GLT1D1: variants seen among roughly 807,000 people sequenced by gnomAD.
The protein encoded by GLT1D1 is glycosyltransferase 1 domain containing 1.
A neutral mutation model predicts 28.7 loss-of-function variants in GLT1D1; 21 were observed. That is an observed-to-expected ratio of 0.73 (90% CI 0.52 to 1.05). The LOEUF (loss-of-function observed/expected upper bound fraction) is 1.05, where lower values mean the gene tolerates loss of function less well. Ranked by LOEUF, GLT1D1 falls within the 50% of genes least tolerant of loss-of-function variation. GLT1D1 has a pLI of 0.00. For synonymous variants in GLT1D1, 147 were observed against 124.8 expected, an observed-to-expected ratio of 1.18 and a Z score of -1.19; for missense variants, 343 against 330.6, an observed-to-expected ratio of 1.04 and a Z score of -0.29.
chr12:128,964,755 A>G (rs1193550266), intron 7 of GLT1D1, among the ~76,000 whole-genome samples: 1 of 152,178 alleles, frequency 6.6e-6, no homozygotes, highest in East Asian at 1.9e-4. Context: ...ATTGCTAAGG[A>G]CCACTGGCGA....
rs770466947 is a variant in GLT1D1 at position 128,964,118 on chromosome 12, C to T, written c.639+6475C>T. Reference sequence around the variant, plus strand: ...TAAGGACACTAAACTTGGCCAGTTGCGCTGGCTCATGCCTGTAATCCCAGC... The same window carrying T: ...TAAGGACACTAAACTTGGCCAGTTGTGCTGGCTCATGCCTGTAATCCCAGC... On this transcript the variant is annotated intron_variant, in intron 7 of 7. Transcript: ENST00000281703. Among the ~76,000 whole-genome samples the T allele has an allele frequency of 5.3e-5, 8 of 152,326 alleles. No homozygotes were observed. In the East Asian group the frequency reaches 7.7e-4, roughly 15 times the overall value.
rs138821049 is a variant in GLT1D1 at position 128,928,582 on chromosome 12, C to T, written c.376-16744C>T. Among the ~76,000 whole-genome samples the T allele has an allele frequency of 1.7e-3, 252 of 151,698 alleles. 1 individual carries two copies. Among genetic ancestry groups the T allele is most frequent in the African/African-American group, 5.2e-3 (214 of 41,402 alleles). The stretch of plus-strand genomic sequence containing the variant: ...GTGTTTCCAGCCAGACAGGGTGGAC[C>T]GCTGCCAGTGACAGCTCCGCGTGTT... On this transcript the variant is annotated intron_variant, in intron 4 of 7. Coordinates refer to ENST00000281703, the MANE Select transcript of GLT1D1 (RefSeq NM_144669.3).
chr12:128,881,562 ATATATATATAT>A (rs1485340261), intron 2 of GLT1D1, among the ~76,000 whole-genome samples: 4 of 21,872 alleles, frequency 1.8e-4, no homozygotes, highest in East Asian at 1.9e-3. Flanking sequence ...AAAAAAAAAA[ATATATATATAT>A]ATATATATAT....
intron 7 of GLT1D1, among the ~76,000 whole-genome samples, chr12:128,975,104 C>T (rs891313168): frequency 1.3e-5 from 2 of 152,214 alleles, no homozygotes; most frequent in African/African-American, 4.8e-5. Context: ...TCCTGAGCAC[C>T]CACCATGTCT....
chr12:128,978,295 C>T (rs1284943192), intron 7 of GLT1D1, among the ~76,000 whole-genome samples: 1 of 152,112 alleles, frequency 6.6e-6, no homozygotes, highest in South Asian at 2.1e-4. Context: ...GTCTGCAAGT[C>T]CTGCTGTGTA....
intron 7 of GLT1D1, among the ~76,000 whole-genome samples, chr12:128,963,235 G>A (rs566046544): frequency 4.6e-5 from 7 of 152,280 alleles, no homozygotes; most frequent in African/African-American, 1.4e-4. Flanking sequence ...TGTCCTCCTC[G>A]CTCCTGACAG....
chr12:128,882,294 T>C (rs1205430417), intron 2 of GLT1D1, among the ~76,000 whole-genome samples: 1 of 145,794 alleles, frequency 6.9e-6, no homozygotes, highest in Non-Finnish European at 1.5e-5. Context: ...TTTTTTTTTT[T>C]GAGACAGAGT....
At chr12:128,969,398 A>G (rs1174582871) in intron 7 of GLT1D1, among the ~76,000 whole-genome samples, 2 of 152,026 alleles carry the variant, frequency 1.3e-5, no homozygotes, top group Admixed American at 6.5e-5. Flanking sequence ...AGAAGGGACC[A>G]TTTCTGAGCC....
intron 4 of GLT1D1, among the ~76,000 whole-genome samples, chr12:128,924,756 C>T (rs571042829): frequency 1.8e-4 from 28 of 152,230 alleles, no homozygotes; most frequent in African/African-American, 5.8e-4. Context: ...GAACAGAGAT[C>T]GCGGGGCCAG....
chr12:128,943,027 G>T (rs1162996645), intron 4 of GLT1D1, among the ~76,000 whole-genome samples: 4 of 152,154 alleles, frequency 2.6e-5, no homozygotes, highest in African/African-American at 9.7e-5. Context: ...GATTATAGGC[G>T]TGAGCCACCA....
chr12:128,892,170 T>C (rs1021848188), intron 3 of GLT1D1, among the ~76,000 whole-genome samples: 2 of 152,170 alleles, frequency 1.3e-5, no homozygotes, highest in African/African-American at 4.8e-5. Context: ...TGACTTTGAA[T>C]AGAATGGGAG....
chr12:128,885,984 G>C (rs1957165793), intron 2 of GLT1D1, among the ~76,000 whole-genome samples: 1 of 152,176 alleles, frequency 6.6e-6, no homozygotes, highest in Non-Finnish European at 1.5e-5. Context: ...GACCTGGTGG[G>C]AAGTAATTGA....
rs76426249 is a variant in GLT1D1 at position 128,893,305 on chromosome 12, A to G, written c.323+4561A>G. On this transcript the variant is annotated intron_variant, in intron 3 of 7. Transcript: ENST00000281703. ...AGCAAATGAGCAAAAGAGAGTTTGTATAAAATGAAACACCTCAAAAATAGC... is the reference window on the plus strand; with the variant it reads ...AGCAAATGAGCAAAAGAGAGTTTGTGTAAAATGAAACACCTCAAAAATAGC... Among the ~76,000 whole-genome samples the G allele has an allele frequency of 7.2e-3, 1,090 of 152,308 alleles. 5 individuals carry two copies. Among genetic ancestry groups the G allele is most frequent in the Non-Finnish European group, 0.012 (794 of 68,032 alleles).
intron 7 of GLT1D1, among the ~76,000 whole-genome samples, chr12:128,966,619 C>T (rs1242957142): frequency 6.6e-6 from 1 of 152,124 alleles, no homozygotes. Context: ...GCACGCAGCC[C>T]CAGCACTTGG....
chr12:128,898,702 C>T (rs2135851585), intron 3 of GLT1D1, among the ~76,000 whole-genome samples: 1 of 152,330 alleles, frequency 6.6e-6, no homozygotes, highest in South Asian at 2.1e-4. Flanking sequence ...AATATTCCTG[C>T]ACTTCATGGC....
intron 7 of GLT1D1, among the ~76,000 whole-genome samples, chr12:128,959,682 A>C (rs755477505): frequency 1.3e-5 from 2 of 152,202 alleles, no homozygotes; most frequent in Non-Finnish European, 2.9e-5. Context: ...AAATAATATC[A>C]GAATAGGAAG....
chr12:128,893,734 C>T (rs975974660), intron 3 of GLT1D1, among the ~76,000 whole-genome samples: 1 of 152,074 alleles, frequency 6.6e-6, no homozygotes, highest in African/African-American at 2.4e-5. Flanking sequence ...TACAGGGGTG[C>T]ACCACCACGC....
At chr12:128,901,148 C>T (rs185933881) in intron 4 of GLT1D1, among the ~76,000 whole-genome samples, 3 of 152,322 alleles carry the variant, frequency 2.0e-5, no homozygotes, top group Admixed American at 6.5e-5. Flanking sequence ...TTAATACTAA[C>T]GAAGGCAGTG....
chr12:128,932,383 G>A (rs563084013), intron 4 of GLT1D1, among the ~76,000 whole-genome samples: 1 of 152,194 alleles, frequency 6.6e-6, no homozygotes, highest in South Asian at 2.1e-4. Context: ...GTTGGCTTGG[G>A]TGGAGCAGAG....
Sources: allele counts gnomAD v4.1 joint callset (sites outside exome capture counted in the v4.1 genomes callset), GRCh38; gene constraint gnomAD v4.1.1; transcripts MANE v1.5; gene names NCBI Gene and HGNC (gene_info 2026-07-23, HGNC 2026-07-21).